The following EML1 variants were observed in gnomAD, a reference collection of about 807,000 sequenced individuals.
The protein encoded by EML1 is echinoderm microtubule-associated protein-like 1.
Under a neutral mutation model 110.4 loss-of-function variants are expected in EML1, and 27 were observed. The observed-to-expected ratio is 0.24, with a 90% CI of 0.18 to 0.34. The LOEUF is 0.34. Ranked by LOEUF, EML1 falls within the 10% of genes least tolerant of loss-of-function variation. The pLI is 1.00. For synonymous variants in EML1, 344 were observed against 385.8 expected (o/e 0.89, Z 1.27); for missense variants, 741 against 1,030.9 (o/e 0.72, Z 3.85).
chr14:99,890,295 G>A (rs1191102), intron 4 of EML1, among the ~76,000 whole-genome samples: 46,614 of 152,122 alleles, frequency 0.31, 8,052 homozygotes, highest in South Asian at 0.49. Flanking sequence ...AAGCTAAGCA[G>A]TGCAAAGCAT....
chr14:99,922,539 T>C (rs567854027), intron 17 of EML1, among the ~76,000 whole-genome samples: 2 of 152,224 alleles, frequency 1.3e-5, no homozygotes, highest in South Asian at 4.1e-4. Flanking sequence ...AATTGACGGA[T>C]TGTATGGTAA....
At chr14:99,924,078 G>A (rs2060189361) in intron 17 of EML1, among the ~76,000 whole-genome samples, 1 of 152,174 alleles carries the variant, frequency 6.6e-6, no homozygotes, top group Non-Finnish European at 1.5e-5. Flanking sequence ...AGCAAAGACT[G>A]TCTCTCCATT....
chr14:99,895,531 A>C (rs1322251040), intron 6 of EML1, among the ~76,000 whole-genome samples: 1 of 152,180 alleles, frequency 6.6e-6, no homozygotes, highest in Non-Finnish European at 1.5e-5. Flanking sequence ...AATTGAAACT[A>C]AACCACATTG....
chr14:99,775,736 C>T (rs1343373174), intron 1 of EML1, among the ~76,000 whole-genome samples: 1 of 152,186 alleles, frequency 6.6e-6, no homozygotes, highest in African/African-American at 2.4e-5. Flanking sequence ...ATGTATTTTA[C>T]TTCACATGAT....
intron 20 of EML1, among the ~76,000 whole-genome samples, chr14:99,938,146 G>A (rs1286635652): frequency 6.6e-6 from 1 of 151,966 alleles, no homozygotes; most frequent in African/African-American, 2.4e-5. Flanking sequence ...CACTGTACAG[G>A]GCAGCAGGTC....
At chr14:99,937,721 C>T (rs2060500813) in intron 19 of EML1, 96 bp from the exon 20 acceptor site, 1 of 1,110,030 alleles carries the variant, frequency 9.0e-7, no homozygotes, top group Non-Finnish European at 1.4e-6. Context: ...AGGAAGGGCT[C>T]TGTACCCAAC....
At chr14:99,851,663 T>C (rs188729008) in intron 2 of EML1, among the ~76,000 whole-genome samples, 228 of 152,344 alleles carry the variant, frequency 1.5e-3, no homozygotes, top group Non-Finnish European at 2.7e-3. Context: ...GAAAGAACCA[T>C]GATCCTTTGG....
At chr14:99,857,882 A>C (rs1595388339) in intron 2 of EML1, among the ~76,000 whole-genome samples, 2 of 152,200 alleles carry the variant, frequency 1.3e-5, no homozygotes, top group Non-Finnish European at 2.9e-5. Context: ...TTCCCCATTT[A>C]TATTTCTATT....
chr14:99,878,816 A>G (rs554814804), intron 4 of EML1, among the ~76,000 whole-genome samples, 197 bp downstream of exon 4: 1 of 144,614 alleles, frequency 6.9e-6, no homozygotes, highest in African/African-American at 2.5e-5. Flanking sequence ...CACACAAACT[A>G]CCGTCCAGGT....
intron 2 of EML1, among the ~76,000 whole-genome samples, chr14:99,854,242 G>A (rs987275013): frequency 6.6e-6 from 1 of 152,238 alleles, no homozygotes; most frequent in African/African-American, 2.4e-5. Context: ...TACCTGTGGA[G>A]CCATAGATAA....
At chr14:99,934,235 G>A (rs191787023) in intron 17 of EML1, among the ~76,000 whole-genome samples, 76 of 152,334 alleles carry the variant, frequency 5.0e-4, no homozygotes, top group African/African-American at 1.8e-3. Context: ...GTGCAGAGAC[G>A]GTTGGTTTCT....
At chr14:99,871,942 C>T (rs910912921) in intron 3 of EML1, among the ~76,000 whole-genome samples, 4 of 152,188 alleles carry the variant, frequency 2.6e-5, no homozygotes, top group Non-Finnish European at 2.9e-5. Context: ...AAAGCCTGTG[C>T]GCCTTCCATT....
At position 99,756,639 on chromosome 14, in the gene EML1, G is replaced by C. The variant is rs114344590; in HGVS notation, c.28+18779G>C. On this transcript the variant is annotated intron_variant, in intron 1 of 10. Coordinates refer to the EML1 transcript ENST00000554479. ...AGCACCTAAAACCTTTGGCCCAGTG[G>C]TTCTCAAACGCTGGTGGGCACTGCA... Among the ~76,000 whole-genome samples, 693 of 152,264 alleles carry C rather than the reference G, an allele frequency of 4.6e-3. 4 individuals are homozygous for C. The highest frequency in any genetic ancestry group is 0.016 in the African/African-American group (659 of 41,554).
chr14:99,937,840 G>C lies in EML1; in HGVS notation c.2119G>C (p.Val707Leu), dbSNP rs975934684. The C allele has an allele frequency of 6.2e-7, 1 of 1,614,140 alleles. No homozygotes were observed. Among genetic ancestry groups the C allele is most frequent in the Non-Finnish European group, 8.5e-7 (1 of 1,179,970 alleles). The change falls in exon 20 of 22, where the codon GTC (valine) becomes CTC (leucine). Residue 707 changes from valine (V) to leucine (L), a missense_variant. Val to Leu is a conservative substitution (Grantham distance 32). Around this residue, in one of 4 missense-constraint regions of EML1, gnomAD observed 388 missense variants for 605.6 expected, o/e 0.64. Coordinates refer to ENST00000262233, the MANE Select transcript of EML1 (RefSeq NM_004434.3). ...LYWVPSACKQVVSVETTRDIE... is the reference protein window; with the variant it reads ...LYWVPSACKQLVSVETTRDIE... The stretch of plus-strand genomic sequence containing the variant: ...AGGGGTTCCCTCTGCCTGTAAGCAA[G>C]TCGTAAGTGTGGAAACTACAAGAGA...
intron 2 of EML1, among the ~76,000 whole-genome samples, chr14:99,858,202 A>G (rs1387649675): frequency 9.7e-6 from 1 of 103,534 alleles, no homozygotes; most frequent in African/African-American, 5.4e-5. Context: ...TTTTTTTTTT[A>G]GGCAGAGTTT....
chr14:99,744,058 C>T (rs954413575), intron 1 of EML1, among the ~76,000 whole-genome samples: 5 of 152,110 alleles, frequency 3.3e-5, no homozygotes, highest in Admixed American at 1.3e-4. Flanking sequence ...CATAGACACC[C>T]ATTTCAAATT....
At chr14:99,825,914 G>T (rs1034387946) in intron 1 of EML1, among the ~76,000 whole-genome samples, 2 of 152,060 alleles carry the variant, frequency 1.3e-5, no homozygotes, top group Non-Finnish European at 2.9e-5. Flanking sequence ...GTGAAGCAGG[G>T]ACTTTTTACA....
chr14:99,891,843 G>T (rs753654875), intron 5 of EML1, among the ~76,000 whole-genome samples: 1 of 152,124 alleles, frequency 6.6e-6, no homozygotes, highest in African/African-American at 2.4e-5. Flanking sequence ...AATTTTAATT[G>T]TTCTAGTTTT....
intron 1 of EML1, among the ~76,000 whole-genome samples, chr14:99,815,279 C>A (rs1362227566): frequency 6.6e-6 from 1 of 151,748 alleles, no homozygotes. Flanking sequence ...GTAGCTGGGA[C>A]TACAGGCACC....
Sources: allele counts gnomAD v4.1 joint callset (sites outside exome capture counted in the v4.1 genomes callset), GRCh38; gene constraint gnomAD v4.1.1; regional missense constraint gnomAD v4.1.1; transcripts MANE v1.5; gene names NCBI Gene and HGNC (gene_info 2026-07-23, HGNC 2026-07-21).